The following ZNF208 variants were observed in gnomAD, a reference collection of about 807,000 sequenced individuals.
ZNF208 encodes the protein zinc finger protein 208.
In ZNF208, 10 loss-of-function variants were observed where a neutral mutation model predicts 12.1. The observed-to-expected ratio is 0.83, with a 90% CI of 0.51 to 1.40. ZNF208 has a LOEUF of 1.40. Ranked by LOEUF, ZNF208 falls within the 40% of genes most tolerant of loss-of-function variation. The probability of loss-of-function intolerance (pLI) is 0.00; values close to 1 mark genes in which losing one functional copy is unlikely to be tolerated. For missense variants in ZNF208, 1,652 were observed against 1,485.0 expected (o/e 1.11, Z -1.85); for synonymous variants, 497 against 488.4 (o/e 1.02, Z -0.23).
chr19:21,992,760 A>T (rs1164122871), intron 1 of ZNF208, among the ~76,000 whole-genome samples: 1 of 152,208 alleles, frequency 6.6e-6, no homozygotes, highest in Non-Finnish European at 1.5e-5. Context: ...ATACAGAAAA[A>T]ATATATATTT....
At position 21,974,768 on chromosome 19, in the gene ZNF208, T is replaced by C. The variant is rs751321356; in HGVS notation, c.266A>G (p.Gln89Arg). Residue 89 changes from glutamine to arginine, a missense_variant, in exon 4 of 4, where the codon CAG (glutamine) becomes CGG (arginine). By Grantham distance (43) the Gln-to-Arg change is conservative. This residue lies in a region of ZNF208 where 410 missense variants were observed against 378.2 expected (regional missense o/e 1.08). Transcript: ENST00000397126. ...SHFAQDLWPE[Q>R]GIEDSFQKVI... Reference sequence around the variant, plus strand: ...TTTTTGGAAAGAATCTTCTATGCCCTGCTCTGGCCAAAGATCTTGAGCAAA... The same window carrying C: ...TTTTTGGAAAGAATCTTCTATGCCCCGCTCTGGCCAAAGATCTTGAGCAAA... 1 of 1,588,218 alleles carries C rather than the reference T, an allele frequency of 6.3e-7. No homozygotes were observed. The highest frequency in any genetic ancestry group is 8.5e-7 in the Non-Finnish European group (1 of 1,169,788).
intron 1 of ZNF208, among the ~76,000 whole-genome samples, 165 bp from the exon 2 acceptor site, chr19:21,989,074 C>G (rs547731177): frequency 6.8e-6 from 1 of 147,702 alleles, no homozygotes; most frequent in South Asian, 2.2e-4. Flanking sequence ...AACATATTCT[C>G]TCTCTTTTTT....
At chr19:21,980,121 A>G (rs1275027489) in intron 3 of ZNF208, among the ~76,000 whole-genome samples, 1 of 152,098 alleles carries the variant, frequency 6.6e-6, no homozygotes, top group African/African-American at 2.4e-5. Flanking sequence ...CCCATACTAT[A>G]GTAGTGGGAG....
At chr19:22,000,984 C>A (rs893218922) in intron 1 of ZNF208, among the ~76,000 whole-genome samples, 3 of 152,028 alleles carry the variant, frequency 2.0e-5, no homozygotes, top group Non-Finnish European at 4.4e-5. Context: ...ACTGAACACA[C>A]ACACACAAAA....
intron 4 of ZNF208, among the ~76,000 whole-genome samples, chr19:21,950,021 C>G (rs1396980499): frequency 6.6e-6 from 1 of 152,108 alleles, no homozygotes; most frequent in Non-Finnish European, 1.5e-5. Flanking sequence ...AACTAAAGAG[C>G]CTAAACAGGA....
At chr19:21,947,170 C>T (rs1365568880) in intron 4 of ZNF208, among the ~76,000 whole-genome samples, 1 of 152,158 alleles carries the variant, frequency 6.6e-6, no homozygotes, top group East Asian at 1.9e-4. Flanking sequence ...AATTTTTACT[C>T]AGTAAGGGCC....
At chr19:21,946,292 G>A (rs532326448) in intron 4 of ZNF208, among the ~76,000 whole-genome samples, 1 of 152,280 alleles carries the variant, frequency 6.6e-6, no homozygotes, top group South Asian at 2.1e-4. Context: ...AACATGAGCA[G>A]CCTTTATGGA....
chr19:21,980,873 A>C (rs1970525323), intron 3 of ZNF208, among the ~76,000 whole-genome samples: 1 of 152,174 alleles, frequency 6.6e-6, no homozygotes, highest in South Asian at 2.1e-4. Flanking sequence ...AAAATAATAA[A>C]GGGGACATCA....
intron 4 of ZNF208, among the ~76,000 whole-genome samples, chr19:21,951,723 A>C (rs1969891329): frequency 6.6e-6 from 1 of 152,152 alleles, no homozygotes; most frequent in African/African-American, 2.4e-5. Context: ...GCAGCTCCAA[A>C]TGTGATTGAA....
chr19:21,959,486 C>T (rs1970029102), intron 4 of ZNF208, among the ~76,000 whole-genome samples: 1 of 152,026 alleles, frequency 6.6e-6, no homozygotes, highest in South Asian at 2.1e-4. Context: ...TGAAGTGAAC[C>T]CTCTTTCACC....
downstream of ZNF208, among the ~76,000 whole-genome samples, chr19:21,964,830 G>A (rs1372065366): frequency 6.6e-6 from 1 of 151,770 alleles, no homozygotes; most frequent in Non-Finnish European, 1.5e-5. Flanking sequence ...GACTAAAAAA[G>A]ATTGGAATTA....
At chr19:21,996,745 T>G (rs1970842019) in intron 1 of ZNF208, among the ~76,000 whole-genome samples, 2 of 152,272 alleles carry the variant, frequency 1.3e-5, no homozygotes, top group African/African-American at 4.8e-5. Flanking sequence ...TTTACTCTGA[T>G]TGGGTTTCTG....
At chr19:21,956,501 C>T (rs1475659088) in intron 4 of ZNF208, among the ~76,000 whole-genome samples, 1 of 152,216 alleles carries the variant, frequency 6.6e-6, no homozygotes, top group African/African-American at 2.4e-5. Context: ...TTGAGGTTCC[C>T]AGTCATTTTG....
rs893104996 is a variant in ZNF208 at position 21,969,870 on chromosome 19, G to T, written c.*1321C>A. ...TTTTATTTAGTATGAACTCTCTGAT[G>T]TTTAATAAGCTGTGAGAAGATATTA... On this transcript the variant is annotated 3_prime_UTR_variant, in exon 4 of 4. Transcript: ENST00000397126. 1.3e-5 allele frequency among the ~76,000 whole-genome samples: 2 copies of T among 152,048 alleles called. No individual in the cohort carries two copies. The highest frequency in any genetic ancestry group is 4.8e-5 in the African/African-American group (2 of 41,416).
rs1465753775 is a variant in ZNF208 at position 21,970,872 on chromosome 19, G to C, written c.*319C>G. The C allele has an allele frequency of 6.6e-7, 1 of 1,516,236 alleles. No individual in the cohort carries two copies. The highest frequency in any genetic ancestry group is 1.1e-5 in the South Asian group (1 of 88,708). 93.9% of individuals were successfully genotyped at this position (1,516,236 alleles called of 1,614,324 possible). ...TTCACATTTGTAGGGTTTCTCTCCA[G>C]TATGAATTTTCTATGATAACTGAGG... On this transcript the variant is annotated 3_prime_UTR_variant, in exon 4 of 4. Transcript: ENST00000397126.
chr19:21,965,252 T>C (rs1970143715), downstream of ZNF208, among the ~76,000 whole-genome samples: 1 of 152,052 alleles, frequency 6.6e-6, no homozygotes, highest in Non-Finnish European at 1.5e-5. Context: ...TAAAATAAAG[T>C]ATCACTTTCG....
intron 4 of ZNF208, among the ~76,000 whole-genome samples, chr19:21,956,805 C>T (rs371868460): frequency 6.6e-6 from 1 of 152,128 alleles, no homozygotes; most frequent in South Asian, 2.1e-4. Context: ...TGATGTCCCA[C>T]CCTGCTTCGG....
At position 21,989,013 on chromosome 19, in the gene ZNF208, A is replaced by G. The variant is rs926244992; in HGVS notation, c.4-104T>C. On this transcript the variant is annotated intron_variant, in intron 1 of 3. Coordinates refer to ENST00000397126, the MANE Select transcript of ZNF208 (RefSeq NM_007153.3). ...GTAAAGAGAGCTGGTTCTGACTTAT[A>G]AGCATGACTGAAATTATTCAATAAA... 9.2e-6 allele frequency: 13 copies of G among 1,417,982 alleles called. No individual in the cohort carries two copies. The African/African-American group carries it at 1.6e-4, about 17-fold the overall frequency. The allele number at this position is 1,417,982 out of a possible 1,614,324, so 87.8% of individuals were successfully genotyped here. A position where few individuals can be genotyped will look rare whatever the true frequency, so the allele number is the denominator to read the frequency against.
At chr19:21,992,107 G>A (rs1970750053) in intron 1 of ZNF208, among the ~76,000 whole-genome samples, 1 of 152,120 alleles carries the variant, frequency 6.6e-6, no homozygotes, top group African/African-American at 2.4e-5. Context: ...AGAAAGAAGG[G>A]CAGCAGCCAG....
Sources: gnomAD v4.1 joint callset for allele counts (sites outside exome capture counted in the v4.1 genomes callset) on GRCh38, gnomAD v4.1.1 for gene constraint, gnomAD v4.1.1 regional missense constraint, MANE v1.5 for transcripts, NCBI Gene and HGNC (gene_info 2026-07-23, HGNC 2026-07-21) for gene names.